The following OTOP1 variants were observed in gnomAD, a reference collection of about 807,000 sequenced individuals.
The protein encoded by OTOP1 is proton channel OTOP1.
Under a neutral mutation model 52.9 loss-of-function variants are expected in OTOP1, and 59 were observed. The observed-to-expected ratio is 1.12, with a 90% CI of 0.91 to 1.39. The LOEUF is 1.39. OTOP1 is among the 40% of genes most tolerant of loss of function. OTOP1 has a pLI of 0.00. For synonymous variants in OTOP1, 317 were observed against 337.7 expected (o/e 0.94, Z 0.67); for missense variants, 761 against 800.9 (o/e 0.95, Z 0.60).
chr4:4,206,028 G>T, intron 3 of OTOP1, 44 bp downstream of exon 3: 2 of 1,513,516 alleles, frequency 1.3e-6, no homozygotes, highest in Non-Finnish European at 9.2e-7. Context: ...AATTCTAAAT[G>T]AATGCCAAAT....
chr4:4,223,976 A>G (rs1162710104), intron 1 of OTOP1, among the ~76,000 whole-genome samples: 1 of 151,722 alleles, frequency 6.6e-6, no homozygotes, highest in Non-Finnish European at 1.5e-5. Flanking sequence ...GAAGAGGGAC[A>G]GTGGAGAGAA....
Position 4,188,780 on chromosome 4 carries a change from C to T in OTOP1, c.*23G>A, listed in dbSNP as rs775916153. The T allele has an allele frequency of 1.9e-6, 3 of 1,597,134 alleles. No individual in the cohort carries two copies. Among genetic ancestry groups the T allele is most frequent in the Non-Finnish European group, 2.6e-6 (3 of 1,172,046 alleles). ...TCCAATGAACTCTTGTTAGCTCACT[C>T]CTAGGTCTCTTGTGGACCCAGACTA... On this transcript the variant is annotated 3_prime_UTR_variant, in exon 6 of 6. Transcript: ENST00000296358.
chr4:4,197,556 C>A lies in OTOP1; in HGVS notation c.1278G>T (p.Leu426=). 1 of 1,614,022 alleles carries A rather than the reference C, an allele frequency of 6.2e-7. No homozygotes were observed. Among genetic ancestry groups the A allele is most frequent in the South Asian group, 1.1e-5 (1 of 91,050 alleles). Residue 426 remains leucine (L), a synonymous_variant, in exon 5 of 6, where the codon CTG becomes CTT. Transcript: ENST00000296358. ...CCACGATCGCCAGGATGGAGTAGGGCAGGTTGTACCAGGTGTAGCGGGGGT... is the reference window on the plus strand; with the variant it reads ...CCACGATCGCCAGGATGGAGTAGGGAAGGTTGTACCAGGTGTAGCGGGGGT... The part of the protein sequence containing the change: ...EGHPRYTWYN[L]PYSILAIVEK...
At chr4:4,201,556 C>T (rs2108799044) in intron 4 of OTOP1, among the ~76,000 whole-genome samples, 1 of 151,650 alleles carries the variant, frequency 6.6e-6, no homozygotes, top group Middle Eastern at 3.4e-3. Context: ...GGACATGAGG[C>T]CCAAACACCA....
intron 1 of OTOP1, among the ~76,000 whole-genome samples, chr4:4,216,706 TG>T (rs1353060136): frequency 2.0e-5 from 3 of 152,352 alleles, no homozygotes; most frequent in Admixed American, 2.0e-4. Context: ...AATACGTGGT[TG>T]GTTTTAATTA....
intron 2 of OTOP1, among the ~76,000 whole-genome samples, chr4:4,208,655 A>G (rs927704441): frequency 1.9e-4 from 29 of 152,304 alleles, no homozygotes; most frequent in African/African-American, 7.0e-4. Context: ...TAGTGGGCTC[A>G]GAGTTTCAGT....
In OTOP1 at chr4:4,202,305, C is replaced by T; in HGVS notation, c.730+143G>A. On this transcript the variant is annotated intron_variant, in intron 4 of 5. Coordinates refer to ENST00000296358, the MANE Select transcript of OTOP1 (RefSeq NM_177998.3). Reference sequence around the variant, plus strand: ...TCAGGTTTTGGAAGATTTTCAACAACAGCGGGCTGTCTGGCTGATGCTGAG... The same window carrying T: ...TCAGGTTTTGGAAGATTTTCAACAATAGCGGGCTGTCTGGCTGATGCTGAG... 2.7e-6 allele frequency: 3 copies of T among 1,120,744 alleles called. 1 individual carries two copies. The highest frequency in any genetic ancestry group is 3.1e-5 in the African/African-American group (2 of 64,558). 69.4% of individuals were successfully genotyped at this position (1,120,744 alleles called of 1,614,324 possible).
intron 1 of OTOP1, 98 bp from the exon 2 acceptor site, chr4:4,213,102 T>C (rs1282539117): frequency 6.5e-5 from 92 of 1,413,496 alleles, no homozygotes; most frequent in East Asian, 2.0e-4. Flanking sequence ...TAAACCCTTA[T>C]GTATATGGTC....
chr4:4,213,713 G>C (rs1270216700), intron 1 of OTOP1, among the ~76,000 whole-genome samples: 1 of 152,052 alleles, frequency 6.6e-6, no homozygotes, highest in Non-Finnish European at 1.5e-5. Context: ...CCATCTATCT[G>C]TTGATGGATG....
intron 3 of OTOP1, among the ~76,000 whole-genome samples, chr4:4,204,525 C>T (rs1716854831): frequency 6.6e-6 from 1 of 152,116 alleles, no homozygotes; most frequent in South Asian, 2.1e-4. Flanking sequence ...AACTGTTCTG[C>T]CACGCAAGCT....
At chr4:4,219,915 A>G (rs62286903) in intron 1 of OTOP1, among the ~76,000 whole-genome samples, 61,938 of 140,766 alleles carry the variant, frequency 0.44, 15,797 homozygotes, top group Non-Finnish European at 0.59. Context: ...ATATGTGTGT[A>G]TATACGTATA....
intron 1 of OTOP1, among the ~76,000 whole-genome samples, chr4:4,225,674 C>A (rs1426719609): frequency 6.6e-6 from 1 of 152,074 alleles, no homozygotes; most frequent in Admixed American, 6.6e-5. Context: ...TCCCTCTTTG[C>A]CCCACCCTGC....
At chr4:4,222,385 T>G (rs1434178570) in intron 1 of OTOP1, among the ~76,000 whole-genome samples, 2 of 152,044 alleles carry the variant, frequency 1.3e-5, no homozygotes, top group African/African-American at 4.8e-5. Flanking sequence ...CCCTGTGACC[T>G]CCGCATCCTT....
chr4:4,212,251 G>T (rs1339501569), intron 2 of OTOP1, among the ~76,000 whole-genome samples: 1 of 152,116 alleles, frequency 6.6e-6, no homozygotes. Flanking sequence ...CCTAAGCTGT[G>T]TATTTAAATT....
chr4:4,203,436 T>C, intron 3 of OTOP1, among the ~76,000 whole-genome samples: 1 of 152,114 alleles, frequency 6.6e-6, no homozygotes, highest in East Asian at 1.9e-4. Context: ...AGCAGCCACA[T>C]GGGGGTTTGC....
In OTOP1 at chr4:4,226,813, A is replaced by C; in HGVS notation, c.52T>G (p.Ser18Ala). Reference sequence around the variant, plus strand: ...GCTGGCCCCGACGACCCTGCGACCGAGGCGCTTGCAGCTGCCCGGGGCGAG... The same window carrying C: ...GCTGGCCCCGACGACCCTGCGACCGCGGCGCTTGCAGCTGCCCGGGGCGAG... ...PASPRAAASA[S>A]VAGSSGPAAC... Residue 18 changes from serine to alanine, a missense_variant, in exon 1 of 6, where the codon TCG becomes GCG. Ser to Ala is a moderately conservative substitution (Grantham distance 99). This residue lies in a region of OTOP1 where 73 missense variants were observed against 75.7 expected (regional missense o/e 0.96). Transcript: ENST00000296358. The C allele has an allele frequency of 7.4e-7, 1 of 1,359,508 alleles. No individual in the cohort carries two copies. The highest frequency in any genetic ancestry group is 3.9e-5 in the Admixed American group (1 of 25,418). The allele number at this position is 1,359,508 out of a possible 1,614,324, so 84.2% of individuals were successfully genotyped here.
chr4:4,193,629 G>T (rs1416769685), intron 5 of OTOP1, among the ~76,000 whole-genome samples: 1 of 152,090 alleles, frequency 6.6e-6, no homozygotes, highest in Non-Finnish European at 1.5e-5. Flanking sequence ...TCCATCCTCT[G>T]CTTCAATCCC....
rs527769643 is a variant in OTOP1, at chr4:4,226,463, G to T, written c.402C>A (p.Arg134=). 1.3e-6 allele frequency: 2 copies of T among 1,485,322 alleles called. No homozygotes were observed. The highest frequency in any genetic ancestry group is 1.8e-6 in the Non-Finnish European group (2 of 1,124,696). 92.0% of individuals were successfully genotyped at this position (1,485,322 alleles called of 1,614,324 possible). Residue 134 remains arginine (R), a splice_region_variant and synonymous_variant, in exon 1 of 6, where the codon CGC becomes CGA. Coordinates refer to ENST00000296358, the MANE Select transcript of OTOP1 (RefSeq NM_177998.3). The part of the protein sequence containing the change: ...KDTHAGAGWL[R]GSITLFAVIT... ...CGCTCGCCCGGCGCCTGGACTCACC[G>T]CGCAGCCAGCCGGCACCCGCGTGCG...
At chr4:4,213,420 C>A (rs1170847724) in intron 1 of OTOP1, among the ~76,000 whole-genome samples, 1 of 152,152 alleles carries the variant, frequency 6.6e-6, no homozygotes, top group Non-Finnish European at 1.5e-5. Flanking sequence ...AATTTTTGCA[C>A]ATCACAGGAC....
Sources: gnomAD v4.1 joint callset for allele counts (sites outside exome capture counted in the v4.1 genomes callset) on GRCh38, gnomAD v4.1.1 for gene constraint, gnomAD v4.1.1 regional missense constraint, MANE v1.5 for transcripts, NCBI Gene and HGNC (gene_info 2026-07-23, HGNC 2026-07-21) for gene names.